DNHD1: variants seen among roughly 807,000 people sequenced by gnomAD.
DNHD1 encodes the protein dynein heavy chain domain 1, also known as dynein heavy chain domain-containing protein 1.
DNHD1 carries 383 observed loss-of-function variants against 458.1 expected under a neutral mutation model. The ratio of observed to expected loss-of-function variants is 0.84; its 90% CI spans 0.77 to 0.91. The LOEUF is 0.91. Ranked by LOEUF, DNHD1 falls within the 40% of genes least tolerant of loss-of-function variation. The pLI is 0.00. For missense variants in DNHD1, 5,336 were observed against 5,866.1 expected (o/e 0.91, Z 2.95); for synonymous variants, 2,203 against 2,376.9 (o/e 0.93, Z 2.13).
Position 6,528,768 on chromosome 11 carries a change from T to C in DNHD1, c.2084T>C (p.Ile695Thr). The C allele has an allele frequency of 6.4e-7, 1 of 1,551,674 alleles. No homozygotes were observed. The highest frequency in any genetic ancestry group is 1.2e-5 in the South Asian group (1 of 84,042). The part of the protein sequence containing the change: ...NNPKIQQALN[I>T]QQVLLEGVLC... Reference sequence around the variant, plus strand: ...CCTAAGATCCAGCAGGCACTGAATATACAACAGGTGCTGCTGGAGGTGAGA... The same window carrying C: ...CCTAAGATCCAGCAGGCACTGAATACACAACAGGTGCTGCTGGAGGTGAGA... The change falls in exon 11 of 43, where the codon ATA becomes ACA. Residue 695 changes from isoleucine (I) to threonine (T), a missense_variant. By Grantham distance (89) the Ile-to-Thr change is moderately conservative. This residue lies in a region of DNHD1 where 3,932 missense variants were observed against 4,365.6 expected (regional missense o/e 0.90). Transcript: ENST00000254579.
chr11:6,529,637 G>A (rs1330099985), intron 12 of DNHD1, among the ~76,000 whole-genome samples: 2 of 152,154 alleles, frequency 1.3e-5, no homozygotes. Context: ...AATTTATACT[G>A]TAGTTCTGGG....
At chr11:6,543,837 T>C (rs984307066) in intron 18 of DNHD1, among the ~76,000 whole-genome samples, 8 of 151,878 alleles carry the variant, frequency 5.3e-5, no homozygotes, top group Non-Finnish European at 1.5e-5. Flanking sequence ...GGCACACACC[T>C]GTAATCCCAG....
rs73407168 is a variant in DNHD1, at chr11:6,539,740, G to C, written c.3421-136G>C. On this transcript the variant is annotated intron_variant, in intron 17 of 42. Coordinates refer to ENST00000254579, the MANE Select transcript of DNHD1 (RefSeq NM_144666.3). ...TTTGAAGCCTGATGGTCCCACTCTC[G>C]CTTCATCTCTGAGACCTCCACTTTC... 182 of 777,300 alleles carry C rather than the reference G, an allele frequency of 2.3e-4. No individual in the cohort carries two copies. The African/African-American group carries it at 2.8e-3, about 12-fold the overall frequency. The allele number at this position is 777,300 out of a possible 1,614,324, so 48.2% of individuals were successfully genotyped here.
chr11:6,500,834 A>G (rs1852118050), intron 3 of DNHD1, among the ~76,000 whole-genome samples: 1 of 152,232 alleles, frequency 6.6e-6, no homozygotes, highest in African/African-American at 2.4e-5. Flanking sequence ...CACTTGAGGT[A>G]TTACAGTTTA....
At position 6,531,933 on chromosome 11, in the gene DNHD1, A is replaced by T. The variant is rs557032760; in HGVS notation, c.2348-1094A>T. 5.3e-5 allele frequency among the ~76,000 whole-genome samples: 8 copies of T among 152,346 alleles called. No individual in the cohort carries two copies. In the South Asian group the frequency reaches 1.7e-3, roughly 32 times the overall value. ...TAACATAAACATGTTTATATTTAAA[A>T]TATAATGAAGTGGAGCCATGCTGCC... On this transcript the variant is annotated intron_variant, in intron 12 of 42. Coordinates refer to ENST00000254579, the MANE Select transcript of DNHD1 (RefSeq NM_144666.3).
rs1419526899 is a variant in DNHD1 at position 6,539,977 on chromosome 11, GC to G, written c.3523del (p.His1175MetfsTer24). 31 of 1,551,752 alleles carry G rather than the reference GC, an allele frequency of 2.0e-5. No homozygotes were observed. The Middle Eastern group carries it at 6.7e-4, about 33-fold the overall frequency. On this transcript the variant is annotated frameshift_variant, in exon 18 of 43. Transcript: ENST00000254579. ...RQLRLLNFIL[H>X]VPYEPPASER... ...AGCTGCGCCTGCTCAACTTCATCCT[GC>G]ATGTACCCTACGAGCCCCCAGCCTC...
In DNHD1 at chr11:6,547,672, A is replaced by G. The variant is rs886638407; in HGVS notation, c.6727+6A>G. 3.2e-5 allele frequency: 48 copies of G among 1,514,882 alleles called. No individual in the cohort carries two copies. The African/African-American group carries it at 6.4e-4, about 20-fold the overall frequency. 93.8% of individuals were successfully genotyped at this position (1,514,882 alleles called of 1,614,324 possible). ...GGAGAAGGCCCCTGGCCCAGGTGGG[A>G]AGATGGACGGGCTGGTTTGAGAGAG... On this transcript the variant is annotated splice_donor_region_variant and intron_variant, in intron 21 of 42. Transcript: ENST00000254579.
At position 6,520,426 on chromosome 11, in the gene DNHD1, G is replaced by C. The variant is rs937426508; in HGVS notation, c.1837+137G>C. 8.0e-6 allele frequency: 12 copies of C among 1,507,718 alleles called. No homozygotes were observed. The Admixed American group carries it at 1.5e-4, about 19-fold the overall frequency. 93.4% of individuals were successfully genotyped at this position (1,507,718 alleles called of 1,614,324 possible). On this transcript the variant is annotated intron_variant, in intron 10 of 42. Coordinates refer to ENST00000254579, the MANE Select transcript of DNHD1 (RefSeq NM_144666.3). ...GTGTGGATGGAGCAGCTCTAACCTG[G>C]GTACTGCACATATGTGTTGTGGGTA...
chr11:6,560,067 C>T (rs1236889583), intron 28 of DNHD1, among the ~76,000 whole-genome samples: 2 of 152,190 alleles, frequency 1.3e-5, no homozygotes, highest in African/African-American at 4.8e-5. Context: ...GCCAAATACT[C>T]CTAGTTAAAG....
chr11:6,508,934 C>T lies in DNHD1; in HGVS notation c.975C>T (p.Ile325=). ...PPDKVNPEHY[I]FSPFGILHVH... is the part of the protein sequence containing the mutation. The stretch of plus-strand genomic sequence containing the variant: ...ACAAGGTGAATCCCGAGCACTACAT[C>T]TTCTCTCCCTTTGGGATCTTGCATG... Residue 325 remains isoleucine (I), a synonymous_variant, in exon 5 of 43, where the codon ATC becomes ATT. Coordinates refer to ENST00000254579, the MANE Select transcript of DNHD1 (RefSeq NM_144666.3). 1 of 1,614,212 alleles carries T rather than the reference C, an allele frequency of 6.2e-7. No homozygotes were observed.
chr11:6,567,098 C>G lies in DNHD1; in HGVS notation c.11589C>G (p.Ala3863=). ...GGCATGGAATGGCCATGGTAAAGGC[C>G]CTAAGCCAACTGCAGAACCTGCTGC... The part of the protein sequence containing the change: ...VVWHGMAMVK[A]LSQLQNLLPL... Residue 3863 remains alanine (A), a synonymous_variant, in exon 36 of 43, where the codon GCC becomes GCG. Transcript: ENST00000254579. 4 of 1,613,992 alleles carry G rather than the reference C, an allele frequency of 2.5e-6. No homozygotes were observed. The highest frequency in any genetic ancestry group is 3.4e-6 in the Non-Finnish European group (4 of 1,179,896).
In DNHD1 at chr11:6,539,244, T is replaced by C; in HGVS notation, c.3351T>C (p.Thr1117=). 3.2e-6 allele frequency: 5 copies of C among 1,551,638 alleles called. No homozygotes were observed. The highest frequency in any genetic ancestry group is 4.4e-6 in the Non-Finnish European group (5 of 1,146,976). Residue 1117 remains threonine (T), a synonymous_variant, in exon 17 of 43, where the codon ACT becomes ACC. Coordinates refer to ENST00000254579, the MANE Select transcript of DNHD1 (RefSeq NM_144666.3). ...LRALGLGSLQ[T]IELLTLGQLL... is the part of the protein sequence containing the mutation. ...CCCTTGGGCTGGGCAGTCTCCAAAC[T>C]ATAGAACTCCTAACGCTGGGCCAGC...
At chr11:6,520,143 A>G (rs756283836) in intron 9 of DNHD1, 41 bp downstream of exon 9, 3 of 1,613,780 alleles carry the variant, frequency 1.9e-6, no homozygotes, top group African/African-American at 2.7e-5. Context: ...GGGAATTCCC[A>G]GTTCCTATCC....
In DNHD1 at chr11:6,498,266, T is replaced by C. The variant is rs1276100822; in HGVS notation, c.51T>C (p.Ser17=). The C allele has an allele frequency of 1.9e-6, 3 of 1,614,190 alleles. No homozygotes were observed. The highest frequency in any genetic ancestry group is 2.5e-6 in the Non-Finnish European group (3 of 1,180,016). The change falls in exon 3 of 43, where the codon TCT becomes TCC. Residue 17 remains serine, a synonymous_variant. Transcript: ENST00000254579. ...RVGLSSDETS[S]DSLKSWHSIC... ...GTTTGTCTTCTGATGAGACATCATC[T>C]GATTCCCTTAAGTCTTGGCACTCCA...
rs117055865 is a variant in DNHD1 at position 6,498,224 on chromosome 11, G to A, written c.9G>A (p.Pro3=). Residue 3 remains proline (P), a synonymous_variant, in exon 3 of 43, where the codon CCG becomes CCA. Transcript: ENST00000254579. ...TGAATGCCCAGCTCCTCATGGTCCC[G>A]GAGGAGAGGAGGGTAGGTTTGTCTT... MV[P]EERRVGLSSD... 9.7e-3 allele frequency: 15,694 copies of A among 1,611,448 alleles called. 101 individuals carry two copies. Among genetic ancestry groups the A allele is most frequent in the Non-Finnish European group, 0.012 (13,636 of 1,178,036 alleles).
chr11:6,520,857 G>C (rs763982267), intron 10 of DNHD1: 1 of 987,788 alleles, frequency 1.0e-6, no homozygotes, highest in African/African-American at 1.7e-5. Context: ...ATCATTAAAT[G>C]CAATCAGTCA....
chr11:6,516,190 C>G (rs1589870177), intron 7 of DNHD1, among the ~76,000 whole-genome samples: 1 of 151,820 alleles, frequency 6.6e-6, no homozygotes, highest in African/African-American at 2.4e-5. Context: ...TTTCTGCTTG[C>G]TGTTCTTTCA....
In DNHD1 at chr11:6,548,976, C is replaced by T; in HGVS notation, c.7387+43C>T. On this transcript the variant is annotated intron_variant, in intron 24 of 42. Transcript: ENST00000254579. The surrounding 1 kb of genome is among the most constrained non-coding windows in gnomAD (Gnocchi z 4.4). ...GGGAAGGAAGGAGCTACTGTCATCT[C>T]TTGAGACTATAAAATCCCTAGCAAT... 6.5e-7 allele frequency: 1 copy of T among 1,531,268 alleles called. No individual in the cohort carries two copies. Among genetic ancestry groups the T allele is most frequent in the Non-Finnish European group, 8.8e-7 (1 of 1,137,502 alleles). The allele number at this position is 1,531,268 out of a possible 1,614,324, so 94.9% of individuals were successfully genotyped here. A position where few individuals can be genotyped will look rare whatever the true frequency, so the allele number is the denominator to read the frequency against.
Position 6,563,336 on chromosome 11 carries a change from A to G in DNHD1, c.9670-46A>G, listed in dbSNP as rs902760493. 15 of 1,543,766 alleles carry G rather than the reference A, an allele frequency of 9.7e-6. No individual in the cohort carries two copies. The Admixed American group carries it at 2.7e-4, about 28-fold the overall frequency. The stretch of plus-strand genomic sequence containing the variant: ...CCTAAAAACACCTTGAAGGAAGAAC[A>G]GAACATCTCAGGAGCTCACTTCAGA... On this transcript the variant is annotated intron_variant, in intron 29 of 42. Transcript: ENST00000254579.
Sources: gnomAD v4.1 joint callset for allele counts (sites outside exome capture counted in the v4.1 genomes callset) on GRCh38, gnomAD v4.1.1 for gene constraint, gnomAD v4.1.1 regional missense constraint, Gnocchi (gnomAD v3.1) non-coding constraint, MANE v1.5 for transcripts, NCBI Gene and HGNC (gene_info 2026-07-23, HGNC 2026-07-21) for gene names.